Variants in ROBO2 observed in about 807,000 individuals in gnomAD.
ROBO2 encodes roundabout guidance receptor 2.
Under a neutral mutation model 160.8 loss-of-function variants are expected in ROBO2, and 53 were observed. The observed-to-expected ratio is 0.33, with a 90% CI of 0.26 to 0.41. The LOEUF is 0.41. Ranked by LOEUF, ROBO2 falls within the 10% of genes least tolerant of loss-of-function variation. The pLI is 1.00. For synonymous variants in ROBO2, 664 were observed against 611.7 expected, an observed-to-expected ratio of 1.09 and a Z score of -1.26; for missense variants, 1,577 against 1,722.4, an observed-to-expected ratio of 0.92 and a Z score of 1.49.
chr3:76,791,468 TTC>T (rs916954093), intron 2 of ROBO2, among the ~76,000 whole-genome samples: 5 of 148,862 alleles, frequency 3.4e-5, no homozygotes, highest in Admixed American at 6.7e-5. Context: ...TCTCTCTCTT[TTC>T]TCTCTCTCTC....
At chr3:75,936,110 C>T (rs1947768875) in intron 1 of ROBO2, among the ~76,000 whole-genome samples, 2 of 152,154 alleles carry the variant, frequency 1.3e-5, no homozygotes, top group Admixed American at 1.3e-4. Flanking sequence ...TCTGTTTTTA[C>T]ATATGAACTT....
chr3:77,113,983 C>T lies in ROBO2; in HGVS notation c.388+15643C>T, dbSNP rs116051317. On this transcript the variant is annotated intron_variant, in intron 2 of 25. Transcript: ENST00000461745. ...ACTGAGTCCTGGAGGAGTGAAGTGA[C>T]TTAACTGAAGTCCCAGCTGATGAGA... 2.1e-3 allele frequency among the ~76,000 whole-genome samples: 320 copies of T among 152,296 alleles called. 2 individuals carry two copies. Among genetic ancestry groups the T allele is most frequent in the African/African-American group, 7.4e-3 (306 of 41,564 alleles).
intron 2 of ROBO2, among the ~76,000 whole-genome samples, chr3:76,464,079 T>C (rs2078238891): frequency 6.6e-6 from 1 of 152,140 alleles, no homozygotes; most frequent in East Asian, 1.9e-4. Flanking sequence ...TGTTCTCCTT[T>C]CAAACGCATT....
intron 2 of ROBO2, among the ~76,000 whole-genome samples, chr3:77,016,800 C>T (rs1473384173): frequency 6.6e-6 from 1 of 152,138 alleles, no homozygotes; most frequent in Non-Finnish European, 1.5e-5. Context: ...TCTCTTGTAC[C>T]ATGCTGCACT....
chr3:77,383,112 A>G (rs1185900877), intron 2 of ROBO2, among the ~76,000 whole-genome samples: 1 of 152,164 alleles, frequency 6.6e-6, no homozygotes, highest in Non-Finnish European at 1.5e-5. Context: ...TATTTTCATT[A>G]ATAAACTTCA....
rs181224544 is a variant in ROBO2 at position 76,817,720 on chromosome 3, C to T, written c.110-280294C>T. Among the ~76,000 whole-genome samples, 10 of 151,988 alleles carry T rather than the reference C, an allele frequency of 6.6e-5. No homozygotes were observed. The East Asian group carries it at 1.6e-3, about 24-fold the overall frequency. The stretch of plus-strand genomic sequence containing the variant: ...CCTTTGCATCCTCACAGCTTAGCTC[C>T]GAATTATGAATGAGAACATACGACA... On this transcript the variant is annotated intron_variant, in intron 2 of 26. Transcript: ENST00000487694.
chr3:75,967,548 C>A (rs981756618), intron 2 of ROBO2, among the ~76,000 whole-genome samples: 3 of 151,464 alleles, frequency 2.0e-5, no homozygotes, highest in Admixed American at 6.6e-5. Context: ...AAATTCATGG[C>A]ACTCAGATTT....
At chr3:76,073,333 A>G (rs2068531807) in intron 2 of ROBO2, among the ~76,000 whole-genome samples, 1 of 110,094 alleles carries the variant, frequency 9.1e-6, no homozygotes, top group Non-Finnish European at 1.7e-5. Flanking sequence ...TCGCTCTGTC[A>G]CCCAGGCTGG....
intron 2 of ROBO2, among the ~76,000 whole-genome samples, chr3:76,689,738 A>G (rs1249217913): frequency 1.3e-5 from 2 of 152,124 alleles, no homozygotes; most frequent in Non-Finnish European, 2.9e-5. Context: ...CTGCATAGGC[A>G]TTTCTCCTTT....
intron 2 of ROBO2, among the ~76,000 whole-genome samples, chr3:75,946,487 A>T (rs1948296946): frequency 6.6e-6 from 1 of 152,080 alleles, no homozygotes; most frequent in Non-Finnish European, 1.5e-5. Context: ...GAAGGGCTAT[A>T]AGGTACACTA....
intron 2 of ROBO2, chr3:75,937,722 T>C (rs1576214548): frequency 1.8e-6 from 1 of 545,596 alleles, no homozygotes; most frequent in East Asian, 3.0e-5. Flanking sequence ...CCCAGGTTTT[T>C]GTTACACGGT....
chr3:76,330,345 TAA>T (rs552653264), intron 2 of ROBO2, among the ~76,000 whole-genome samples: 258 of 152,336 alleles, frequency 1.7e-3, no homozygotes, highest in African/African-American at 5.7e-3. Flanking sequence ...TTTTTGGAAA[TAA>T]GTCTTTTTTG....
chr3:75,908,777 A>G (rs1946449965), intron 1 of ROBO2, among the ~76,000 whole-genome samples: 1 of 152,192 alleles, frequency 6.6e-6, no homozygotes. Context: ...ACTTCCAAAT[A>G]ACTCCTAAAC....
chr3:76,667,840 G>A (rs1433705455), intron 2 of ROBO2, among the ~76,000 whole-genome samples: 1 of 151,486 alleles, frequency 6.6e-6, no homozygotes, highest in Non-Finnish European at 1.5e-5. Context: ...AAAAACGACT[G>A]TAGTTATAAC....
At chr3:76,548,392 G>A (rs568278436) in intron 2 of ROBO2, among the ~76,000 whole-genome samples, 1 of 152,222 alleles carries the variant, frequency 6.6e-6, no homozygotes. Flanking sequence ...AGGCTTGAGT[G>A]GGAGAGATCA....
chr3:77,132,798 ATAAT>A (rs1259725191), intron 2 of ROBO2, among the ~76,000 whole-genome samples: 1 of 152,106 alleles, frequency 6.6e-6, no homozygotes, highest in Non-Finnish European at 1.5e-5. Flanking sequence ...AAGATGAAAA[ATAAT>A]TCATGTAAAC....
At chr3:77,408,990 T>G (rs2076481209) in intron 2 of ROBO2, among the ~76,000 whole-genome samples, 1 of 151,750 alleles carries the variant, frequency 6.6e-6, no homozygotes. Flanking sequence ...TGCCTCGTCC[T>G]CCCAAAGTGC....
chr3:77,387,654 A>AT (rs2074275985), intron 2 of ROBO2, among the ~76,000 whole-genome samples: 1 of 151,998 alleles, frequency 6.6e-6, no homozygotes, highest in South Asian at 2.1e-4. Context: ...AAAAAAAAAA[A>AT]GCTGAAAGCT....
chr3:76,962,509 A>G (rs551233040), intron 2 of ROBO2, among the ~76,000 whole-genome samples: 2 of 151,634 alleles, frequency 1.3e-5, no homozygotes, highest in South Asian at 4.2e-4. Flanking sequence ...ATGGTGGCAC[A>G]TGACTGTAAT....
Sources: gnomAD v4.1 joint callset for allele counts (sites outside exome capture counted in the v4.1 genomes callset) on GRCh38, gnomAD v4.1.1 for gene constraint, MANE v1.5 for transcripts, NCBI Gene and HGNC (gene_info 2026-07-23, HGNC 2026-07-21) for gene names.